The following ZNF714 variants were observed in gnomAD, a reference collection of about 807,000 sequenced individuals.
ZNF714 encodes the protein zinc finger protein 714.
Under a neutral mutation model 46.2 loss-of-function variants are expected in ZNF714, and 32 were observed. The observed-to-expected ratio is 0.69, with a 90% CI of 0.52 to 0.93. The LOEUF is 0.93. Among genes scored for constraint, ZNF714 ranks in the 40% least tolerant of loss-of-function variants. The pLI is 0.00. For synonymous variants in ZNF714, 199 were observed against 213.1 expected (o/e 0.93, Z 0.58); for missense variants, 635 against 646.3 (o/e 0.98, Z 0.19).
At chr19:21,091,101 C>G (rs565551573) in intron 2 of ZNF714, 4 of 152,202 alleles carry the variant, frequency 2.6e-5, no homozygotes, top group Admixed American at 1.3e-4. Context: ...CCAGGATGGT[C>G]TCAATCTGTT....
chr19:21,090,914 C>T (rs1447309833), intron 2 of ZNF714: 1 of 106,220 alleles, frequency 9.4e-6, no homozygotes, highest in Non-Finnish European at 1.7e-5. Flanking sequence ...GAGACAGGGT[C>T]GCGCTGTTTT....
In ZNF714 at chr19:21,083,329, C is replaced by G. The variant is rs373512838; in HGVS notation, c.-176-649C>G. Among the ~76,000 whole-genome samples, 37 of 152,338 alleles carry G rather than the reference C, an allele frequency of 2.4e-4. No individual in the cohort carries two copies. In the South Asian group the frequency reaches 7.5e-3, roughly 31 times the overall value. On this transcript the variant is annotated intron_variant, in intron 1 of 4. Coordinates refer to ENST00000456283, the MANE Select transcript of ZNF714 (RefSeq NM_182515.4). ...GGGATTACAGGCGTGAGCCACCGCG[C>G]CCAGCCAGATTTTTTTAAAAGTAGG...
chr19:21,112,703 T>A (rs1969475461), intron 4 of ZNF714, among the ~76,000 whole-genome samples: 3 of 151,808 alleles, frequency 2.0e-5, no homozygotes, highest in Non-Finnish European at 4.4e-5. Context: ...GCTTTTTCAT[T>A]TGGGTATTTA....
chr19:21,114,210 GGA>G (rs1335731051), intron 4 of ZNF714, among the ~76,000 whole-genome samples: 2 of 151,944 alleles, frequency 1.3e-5, no homozygotes, highest in Non-Finnish European at 2.9e-5. Context: ...AGGCCAAGGT[GGA>G]CAGATCACAA....
chr19:21,087,369 C>T (rs2144822045), intron 2 of ZNF714, among the ~76,000 whole-genome samples: 1 of 151,972 alleles, frequency 6.6e-6, no homozygotes, highest in South Asian at 2.1e-4. Flanking sequence ...TTTTGGAACA[C>T]ATACCAATAA....
At chr19:21,086,523 A>C (rs1415273102) in intron 2 of ZNF714, among the ~76,000 whole-genome samples, 3 of 152,098 alleles carry the variant, frequency 2.0e-5, no homozygotes, top group African/African-American at 7.2e-5. Context: ...GCATTTGTAA[A>C]CTGTTACGAC....
chr19:21,085,206 TAATTGGTGAGTA>T (rs1418591868), intron 2 of ZNF714, among the ~76,000 whole-genome samples: 2 of 152,148 alleles, frequency 1.3e-5, no homozygotes, highest in African/African-American at 4.8e-5. Context: ...ATGTGGTAGA[TAATTGGTGAGTA>T]AACATAGATT....
intron 4 of ZNF714, among the ~76,000 whole-genome samples, chr19:21,101,923 CAG>C (rs1969191275): frequency 6.6e-6 from 1 of 152,298 alleles, no homozygotes; most frequent in African/African-American, 2.4e-5. Flanking sequence ...TGGGCTTTAG[CAG>C]AGTTTCACAA....
At chr19:21,107,363 C>T (rs1004368536) in intron 4 of ZNF714, among the ~76,000 whole-genome samples, 10 of 152,096 alleles carry the variant, frequency 6.6e-5, no homozygotes, top group South Asian at 2.1e-4. Context: ...CCTCAGCCTC[C>T]GGAGTAGCTG....
chr19:21,105,187 C>G (rs1428940025), intron 4 of ZNF714, among the ~76,000 whole-genome samples: 1 of 151,798 alleles, frequency 6.6e-6, no homozygotes, highest in Admixed American at 6.6e-5. Flanking sequence ...TACCACCATG[C>G]CTGGCTGACT....
rs1391234417 is a variant in ZNF714, at chr19:21,117,672, T to C, written c.1008T>C (p.Thr336=). The change falls in exon 5 of 5, where the codon ACT becomes ACC. Residue 336 remains threonine, a synonymous_variant. Transcript: ENST00000456283. ...STLTKHKRIH[T]GEKPYKCEEC... ...TTACAAAACATAAAAGAATTCATAC[T>C]GGAGAGAAACCCTACAAATGTGAAG... 2 of 1,613,390 alleles carry C rather than the reference T, an allele frequency of 1.2e-6. No homozygotes were observed. The highest frequency in any genetic ancestry group is 2.7e-5 in the African/African-American group (2 of 74,878).
chr19:21,109,839 G>A (rs1969410087), intron 4 of ZNF714, among the ~76,000 whole-genome samples: 1 of 152,098 alleles, frequency 6.6e-6, no homozygotes, highest in African/African-American at 2.4e-5. Context: ...GTGAGAACAT[G>A]TCGTGTTTGG....
chr19:21,114,939 G>T (rs1267133627), intron 4 of ZNF714, among the ~76,000 whole-genome samples: 1 of 151,562 alleles, frequency 6.6e-6, no homozygotes, highest in Admixed American at 6.6e-5. Context: ...TGTTTTATTT[G>T]ATTCTTGTAT....
chr19:21,099,949 G>A (rs1388904612), intron 4 of ZNF714, among the ~76,000 whole-genome samples: 4 of 152,054 alleles, frequency 2.6e-5, no homozygotes, highest in South Asian at 2.1e-4. Context: ...TCCACTTTCC[G>A]AGTTCAAGTG....
At chr19:21,089,544 A>G (rs1968859150) in intron 2 of ZNF714, among the ~76,000 whole-genome samples, 1 of 152,192 alleles carries the variant, frequency 6.6e-6, no homozygotes, top group Admixed American at 6.5e-5. Context: ...TGAGAATGGA[A>G]CCCTGAACCT....
At chr19:21,098,788 T>A in intron 3 of ZNF714, 24 bp from the exon 4 acceptor site, 1 of 1,552,740 alleles carries the variant, frequency 6.4e-7, no homozygotes, top group Non-Finnish European at 8.8e-7. Context: ...TAAGCAAGAT[T>A]TATGCTATTT....
At chr19:21,087,338 A>G (rs566658521) in intron 2 of ZNF714, among the ~76,000 whole-genome samples, 2 of 152,228 alleles carry the variant, frequency 1.3e-5, no homozygotes, top group Non-Finnish European at 2.9e-5. Context: ...TAGTCATTAG[A>G]ATTACAGGAG....
At chr19:21,090,380 G>A (rs558757565) in intron 2 of ZNF714, among the ~76,000 whole-genome samples, 14 of 152,252 alleles carry the variant, frequency 9.2e-5, no homozygotes, top group African/African-American at 2.9e-4. Context: ...CCTTTTTGGA[G>A]AAGAAAAATA....
chr19:21,101,819 G>T (rs770430095), intron 4 of ZNF714, among the ~76,000 whole-genome samples: 1 of 152,158 alleles, frequency 6.6e-6, no homozygotes, highest in Admixed American at 6.5e-5. Flanking sequence ...ACCAAGTTGC[G>T]TGGGCCATTT....
Sources: allele counts gnomAD v4.1 joint callset (sites outside exome capture counted in the v4.1 genomes callset), GRCh38; gene constraint gnomAD v4.1.1; transcripts MANE v1.5; gene names NCBI Gene and HGNC (gene_info 2026-07-23, HGNC 2026-07-21).